STXBP5: variants seen among roughly 807,000 people sequenced by gnomAD.
STXBP5 encodes the protein syntaxin-binding protein 5.
STXBP5 carries 50 observed loss-of-function variants against 152.4 expected under a neutral mutation model. The ratio of observed to expected loss-of-function variants is 0.33; its 90% CI spans 0.26 to 0.42. The LOEUF (loss-of-function observed/expected upper bound fraction) is 0.42. Among genes scored for constraint, STXBP5 ranks in the 10% least tolerant of loss-of-function variants. The pLI is 1.00. For synonymous variants in STXBP5, 492 were observed against 494.7 expected (o/e 0.99, Z 0.07); for missense variants, 1,167 against 1,388.6 (o/e 0.84, Z 2.54).
chr6:147,373,373 A>C (rs910990276), intron 25 of STXBP5, among the ~76,000 whole-genome samples: 10 of 151,616 alleles, frequency 6.6e-5, no homozygotes, highest in Non-Finnish European at 1.2e-4. Flanking sequence ...CAAAAAAAAA[A>C]AAAAAAAAAA....
At chr6:147,271,249 A>C (rs913166609) in intron 7 of STXBP5, among the ~76,000 whole-genome samples, 1 of 152,184 alleles carries the variant, frequency 6.6e-6, no homozygotes, top group Non-Finnish European at 1.5e-5. Flanking sequence ...TATGTTGGAA[A>C]AAAAGATAGA....
chr6:147,338,200 A>T (rs1162689239), intron 19 of STXBP5, among the ~76,000 whole-genome samples: 1 of 152,120 alleles, frequency 6.6e-6, no homozygotes. Flanking sequence ...CACAAAAGGG[A>T]TACAAAAATG....
At chr6:147,268,760 C>T (rs532579946) in intron 7 of STXBP5, among the ~76,000 whole-genome samples, 2 of 152,244 alleles carry the variant, frequency 1.3e-5, no homozygotes, top group East Asian at 3.9e-4. Flanking sequence ...ACTAGTTTAC[C>T]TCCTTGCTTT....
intron 5 of STXBP5, among the ~76,000 whole-genome samples, chr6:147,261,470 G>T (rs894845736): frequency 5.3e-5 from 8 of 151,878 alleles, no homozygotes; most frequent in Admixed American, 1.3e-4. Context: ...GTTTCTTTTT[G>T]ATTTTAAGCA....
At chr6:147,226,127 C>T (rs535269195) in intron 2 of STXBP5, among the ~76,000 whole-genome samples, 33 of 152,096 alleles carry the variant, frequency 2.2e-4, no homozygotes, top group African/African-American at 7.5e-4. Flanking sequence ...GAGACCTTGG[C>T]TCTACCAAAA....
intron 18 of STXBP5, chr6:147,328,654 T>C: frequency 2.1e-6 from 1 of 465,988 alleles, no homozygotes; most frequent in East Asian, 7.0e-5. Context: ...CATTCTAGTA[T>C]TTTTGTCTCC....
chr6:147,388,207 G>C lies in STXBP5; in HGVS notation c.*3452G>C, dbSNP rs1293931958. 6.6e-6 allele frequency: 1 copy of C among 151,686 alleles called. No individual in the cohort carries two copies. Among genetic ancestry groups the C allele is most frequent in the Non-Finnish European group, 1.5e-5 (1 of 67,740 alleles). The allele number at this position is 151,686 out of a possible 1,614,324, so 9.4% of individuals were successfully genotyped here. On this transcript the variant is annotated 3_prime_UTR_variant, in exon 28 of 28. Coordinates refer to ENST00000321680, the MANE Select transcript of STXBP5 (RefSeq NM_001127715.4). ...ATCCACATTGCTCAGTTTAAACCAA[G>C]TGATACATGTGTATAAAACATACCA...
chr6:147,221,951 T>C (rs1192228735), intron 2 of STXBP5, among the ~76,000 whole-genome samples: 1 of 151,922 alleles, frequency 6.6e-6, no homozygotes. Context: ...TTTTTTCCAG[T>C]TTTTTTTCTC....
At chr6:147,235,889 G>A (rs981951374) in intron 3 of STXBP5, among the ~76,000 whole-genome samples, 2 of 152,126 alleles carry the variant, frequency 1.3e-5, no homozygotes, top group Non-Finnish European at 2.9e-5. Context: ...TATTTTAAGA[G>A]CATACGAGCA....
chr6:147,325,220 T>C (rs2128385176), intron 17 of STXBP5, 136 bp downstream of exon 17: 1 of 890,668 alleles, frequency 1.1e-6, no homozygotes, highest in East Asian at 3.2e-5. Context: ...TCAGACGAAA[T>C]TGACTGTTTA....
intron 4 of STXBP5, among the ~76,000 whole-genome samples, chr6:147,248,387 T>C (rs1778919451): frequency 6.6e-6 from 1 of 152,146 alleles, no homozygotes; most frequent in Non-Finnish European, 1.5e-5. Flanking sequence ...TGCAAATGTA[T>C]ATTACAATAT....
chr6:147,244,426 A>G (rs529339050), intron 4 of STXBP5, among the ~76,000 whole-genome samples: 1 of 152,330 alleles, frequency 6.6e-6, no homozygotes, highest in African/African-American at 2.4e-5. Context: ...CAGTTTGTCA[A>G]TATCCACACA....
intron 2 of STXBP5, among the ~76,000 whole-genome samples, chr6:147,235,017 TTAA>T (rs1340301546): frequency 1.3e-5 from 2 of 152,060 alleles, no homozygotes; most frequent in Non-Finnish European, 2.9e-5. Context: ...GTTGCTGATG[TTAA>T]TAATTCATTT....
chr6:147,221,744 C>CT (rs1344198903), intron 2 of STXBP5, among the ~76,000 whole-genome samples: 4,427 of 136,268 alleles, frequency 0.032, 164 homozygotes, highest in African/African-American at 0.1. Flanking sequence ...GTGTAGCTTT[C>CT]TTTTTTTTTT....
At position 147,204,459 on chromosome 6, in the gene STXBP5, C is replaced by A; in HGVS notation, c.-74C>A. 6.6e-7 allele frequency: 1 copy of A among 1,512,568 alleles called. No individual in the cohort carries two copies. Among genetic ancestry groups the A allele is most frequent in the Non-Finnish European group, 9.0e-7 (1 of 1,114,154 alleles). The allele number at this position is 1,512,568 out of a possible 1,614,324, so 93.7% of individuals were successfully genotyped here. On this transcript the variant is annotated 5_prime_UTR_variant, in exon 1 of 28. Coordinates refer to ENST00000321680, the MANE Select transcript of STXBP5 (RefSeq NM_001127715.4). The surrounding 1 kb of genome is among the most constrained non-coding windows in gnomAD (Gnocchi z 4.3). ...TTTCCGCGGTCGAAGCTGCCTTCGGCCCCGGGTGGTCTCCCCCGCCCGGGG... is the reference window on the plus strand; with the variant it reads ...TTTCCGCGGTCGAAGCTGCCTTCGGACCCGGGTGGTCTCCCCCGCCCGGGG...
intron 2 of STXBP5, among the ~76,000 whole-genome samples, chr6:147,221,505 G>A (rs1306881754): frequency 6.7e-6 from 1 of 149,680 alleles, no homozygotes; most frequent in Admixed American, 6.6e-5. Flanking sequence ...TACTTCTTCA[G>A]TTTTGAAGGC....
At chr6:147,334,938 T>C (rs1783754234) in intron 19 of STXBP5, among the ~76,000 whole-genome samples, 1 of 152,132 alleles carries the variant, frequency 6.6e-6, no homozygotes. Flanking sequence ...ATAGCTGGTA[T>C]ACTACATCAG....
intron 26 of STXBP5, among the ~76,000 whole-genome samples, chr6:147,374,875 T>A (rs1266214120): frequency 6.6e-6 from 1 of 151,976 alleles, no homozygotes; most frequent in Non-Finnish European, 1.5e-5. Context: ...AGAGTAAGGG[T>A]GAACTGGGAA....
At chr6:147,314,935 T>G (rs1449370303) in intron 14 of STXBP5, among the ~76,000 whole-genome samples, 2 of 152,068 alleles carry the variant, frequency 1.3e-5, no homozygotes, top group Non-Finnish European at 2.9e-5. Flanking sequence ...CAACAGAAAT[T>G]TCTAGAATAA....
Sources: gnomAD v4.1 joint callset for allele counts (sites outside exome capture counted in the v4.1 genomes callset) on GRCh38, gnomAD v4.1.1 for gene constraint, Gnocchi (gnomAD v3.1) non-coding constraint, MANE v1.5 for transcripts, NCBI Gene and HGNC (gene_info 2026-07-23, HGNC 2026-07-21) for gene names.